SYT14: variants seen among roughly 807,000 people sequenced by gnomAD.
SYT14 encodes the protein synaptotagmin 14, also known as synaptotagmin-14.
Under a neutral mutation model 74.2 loss-of-function variants are expected in SYT14, and 32 were observed. The ratio of observed to expected loss-of-function variants is 0.43; its 90% CI spans 0.33 to 0.58. The LOEUF (loss-of-function observed/expected upper bound fraction) is 0.58, where lower values mean the gene tolerates loss of function less well. Ranked by LOEUF, SYT14 falls within the 20% of genes least tolerant of loss-of-function variation. The pLI is 0.05. For missense variants in SYT14, 791 were observed against 981.8 expected (o/e 0.81, Z 2.60); for synonymous variants, 298 against 337.7 (o/e 0.88, Z 1.29).
intron 6 of SYT14, 25 bp from the exon 6 acceptor site, chr1:210,099,987 T>C (rs771266667): frequency 6.2e-7 from 1 of 1,604,406 alleles, no homozygotes; most frequent in East Asian, 2.2e-5. Context: ...TTAAAAACTC[T>C]AACATTTAAA....
intron 7 of SYT14, among the ~76,000 whole-genome samples, chr1:210,146,722 A>G (rs2083043143): frequency 6.6e-6 from 1 of 151,556 alleles, no homozygotes; most frequent in African/African-American, 2.4e-5. Context: ...TATATGATGT[A>G]CATACGTAGT....
chr1:210,140,380 C>A (rs2082889931), intron 7 of SYT14, among the ~76,000 whole-genome samples: 2 of 152,084 alleles, frequency 1.3e-5, no homozygotes, highest in Admixed American at 1.3e-4. Context: ...TATTTTTGAG[C>A]TGTAAGAGTT....
chr1:209,949,550 C>T (rs988970462), intron 1 of SYT14, among the ~76,000 whole-genome samples: 2 of 144,330 alleles, frequency 1.4e-5, no homozygotes, highest in African/African-American at 5.4e-5. Context: ...TCCAGCCTGG[C>T]GACAGAGTGA....
At chr1:210,169,611 AAT>A (rs1333500445) in exon 10 of SYT14, 1 of 152,032 alleles carries the variant, frequency 6.6e-6, no homozygotes, top group African/African-American at 2.4e-5. Flanking sequence ...TTTTGTGGTG[AAT>A]ATAATATAGT....
chr1:210,059,451 TAGAGAGAG>T lies in SYT14; in HGVS notation c.1313-34841_1313-34834del, dbSNP rs1553272603. ...GAATATATATATATATATATATATA[TAGAGAGAG>T]AGAGAGAGAGAGAGAGAGAGAGAGA... is the stretch of plus-strand genomic sequence containing the variant. On this transcript the variant is annotated intron_variant, in intron 5 of 9. Coordinates refer to ENST00000637265, the Ensembl canonical transcript of SYT14. Among the ~76,000 whole-genome samples, 51 of 69,894 alleles carry T rather than the reference TAGAGAGAG, an allele frequency of 7.3e-4. 1 individual carries two copies. In the South Asian group the frequency reaches 9.6e-3, roughly 13 times the overall value. The allele number at this position is 69,894 out of a possible 152,430, so 45.9% of individuals were successfully genotyped here.
intron 7 of SYT14, among the ~76,000 whole-genome samples, chr1:210,150,369 T>TA (rs755510828): frequency 4.5e-4 from 68 of 152,292 alleles, no homozygotes; most frequent in Non-Finnish European, 9.1e-4. Context: ...CAAACCCTAC[T>TA]AAAACCCAGC....
chr1:210,085,561 TGA>T (rs1479183049), intron 5 of SYT14, among the ~76,000 whole-genome samples: 5 of 152,216 alleles, frequency 3.3e-5, no homozygotes, highest in South Asian at 2.1e-4. Context: ...CCTAGTGCAC[TGA>T]GAGATTTTAT....
intron 7 of SYT14, among the ~76,000 whole-genome samples, chr1:210,146,277 G>T (rs1473634320): frequency 6.6e-6 from 1 of 152,130 alleles, no homozygotes; most frequent in African/African-American, 2.4e-5. Flanking sequence ...GGCAGAAGTT[G>T]CAGTGAGATC....
At chr1:210,129,614 T>C (rs1361962243) in intron 7 of SYT14, among the ~76,000 whole-genome samples, 3 of 152,346 alleles carry the variant, frequency 2.0e-5, no homozygotes, top group Admixed American at 2.0e-4. Context: ...GATAATAATG[T>C]TCACTAAACC....
intron 2 of SYT14, among the ~76,000 whole-genome samples, chr1:209,961,610 A>C (rs1286562032): frequency 6.6e-6 from 1 of 152,176 alleles, no homozygotes; most frequent in Non-Finnish European, 1.5e-5. Context: ...CAAGTGAAAT[A>C]AAGTGTATGA....
chr1:210,070,910 ATTTTTTTTTTT>A (rs200981834), intron 5 of SYT14, among the ~76,000 whole-genome samples: 41 of 116,292 alleles, frequency 3.5e-4, no homozygotes, highest in African/African-American at 1.0e-3. Flanking sequence ...GTTGGGTATA[ATTTTTTTTTTT>A]TTTTTTTTTT....
chr1:209,965,249 A>G (rs1011977361), intron 2 of SYT14, among the ~76,000 whole-genome samples: 1 of 152,100 alleles, frequency 6.6e-6, no homozygotes, highest in Non-Finnish European at 1.5e-5. Context: ...CTTCTCTTTT[A>G]GAGTCCCCGT....
At chr1:210,026,285 C>G (rs1344221924) in intron 5 of SYT14, among the ~76,000 whole-genome samples, 3 of 151,930 alleles carry the variant, frequency 2.0e-5, no homozygotes, top group Non-Finnish European at 4.4e-5. Flanking sequence ...AAATATGGTT[C>G]GTGGATATCC....
At chr1:210,133,322 A>G (rs2082715303) in intron 7 of SYT14, among the ~76,000 whole-genome samples, 1 of 152,224 alleles carries the variant, frequency 6.6e-6, no homozygotes, top group South Asian at 2.1e-4. Context: ...TTCCTATAAT[A>G]TAATGGATGC....
chr1:209,970,141 G>C (rs1305406788), intron 2 of SYT14, among the ~76,000 whole-genome samples: 1 of 151,968 alleles, frequency 6.6e-6, no homozygotes, highest in African/African-American at 2.4e-5. Flanking sequence ...TCTTTGTCTA[G>C]CCCAATGTCC....
intron 5 of SYT14, among the ~76,000 whole-genome samples, chr1:210,052,682 A>AAAAAAAAAAAAAAAAAAAC (rs1216450308): frequency 6.7e-6 from 1 of 150,070 alleles, no homozygotes; most frequent in African/African-American, 2.4e-5. Context: ...AAAAAAAAAA[A>AAAAAAAAAAAAAAAAAAAC]AAGCTCTCCA....
intron 2 of SYT14, among the ~76,000 whole-genome samples, chr1:209,968,263 A>G (rs772081067): frequency 6.6e-6 from 1 of 152,170 alleles, no homozygotes; most frequent in Non-Finnish European, 1.5e-5. Flanking sequence ...ACTATTGACC[A>G]GAGTTCATAG....
chr1:209,938,810 C>T (rs1487311632), intron 1 of SYT14, among the ~76,000 whole-genome samples: 1 of 152,044 alleles, frequency 6.6e-6, no homozygotes, highest in South Asian at 2.1e-4. Context: ...ACTCTCTGCC[C>T]GTTCCCCTTC....
At chr1:209,957,836 CAGATACTCAGA>C (rs1227029062) in intron 2 of SYT14, among the ~76,000 whole-genome samples, 3 of 152,086 alleles carry the variant, frequency 2.0e-5, no homozygotes, top group Non-Finnish European at 2.9e-5. Context: ...CCATTTTTTT[CAGATACTCAGA>C]AATGTCTATG....
Sources: gnomAD v4.1 joint callset for allele counts (sites outside exome capture counted in the v4.1 genomes callset) on GRCh38, gnomAD v4.1.1 for gene constraint, MANE v1.5 for transcripts, NCBI Gene and HGNC (gene_info 2026-07-23, HGNC 2026-07-21) for gene names.